STAB1: variants seen among roughly 807,000 people sequenced by gnomAD.
STAB1 encodes stabilin-1.
In STAB1, 250 loss-of-function variants were observed where a neutral mutation model predicts 332.4. The ratio of observed to expected loss-of-function variants is 0.75; its 90% CI spans 0.68 to 0.84. The LOEUF (loss-of-function observed/expected upper bound fraction) is 0.84. Among genes scored for constraint, STAB1 ranks in the 40% least tolerant of loss-of-function variants. The pLI is 0.00. For synonymous variants in STAB1, 1,475 were observed against 1,390.4 expected, an observed-to-expected ratio of 1.06 and a Z score of -1.35; for missense variants, 3,249 against 3,489.7, an observed-to-expected ratio of 0.93 and a Z score of 1.74.
At chr3:52,518,175 C>A in intron 45 of STAB1, 137 bp from the exon 46 acceptor site, 1 of 1,505,076 alleles carries the variant, frequency 6.6e-7, no homozygotes, top group Non-Finnish European at 9.0e-7. Flanking sequence ...TGAAACTAGC[C>A]CTGACCCCAA....
In STAB1 at chr3:52,503,122, T is replaced by A; in HGVS notation, c.694+13T>A. ...AGTGAATGCCGAGGTGAGCCTGGACTCAGAGGCCAGGGACTTCAGCTCAGG... is the reference window on the plus strand; with the variant it reads ...AGTGAATGCCGAGGTGAGCCTGGACACAGAGGCCAGGGACTTCAGCTCAGG... On this transcript the variant is annotated intron_variant, in intron 7 of 68. Coordinates refer to ENST00000321725, the MANE Select transcript of STAB1 (RefSeq NM_015136.3). 1 of 1,569,882 alleles carries A rather than the reference T, an allele frequency of 6.4e-7. No homozygotes were observed. The highest frequency in any genetic ancestry group is 8.6e-7 in the Non-Finnish European group (1 of 1,156,510).
At chr3:52,509,429 G>A (rs1210206968) in intron 22 of STAB1, 108 bp downstream of exon 22, 1 of 890,816 alleles carries the variant, frequency 1.1e-6, no homozygotes, top group Non-Finnish European at 1.7e-6. Flanking sequence ...GAGGGACGAA[G>A]GCCAAGGGGA....
chr3:52,513,643 C>G, intron 30 of STAB1, 74 bp from the exon 31 acceptor site: 4 of 1,486,450 alleles, frequency 2.7e-6, no homozygotes, highest in Non-Finnish European at 3.7e-6. Context: ...CTGGCAGTCT[C>G]TCTGTTGGGG....
At chr3:52,516,476 G>A in intron 39 of STAB1, 25 bp downstream of exon 39, 1 of 1,613,512 alleles carries the variant, frequency 6.2e-7, no homozygotes, top group Non-Finnish European at 8.5e-7. Context: ...ATGGGGAGGG[G>A]GCAGGTGGCT....
Position 52,499,898 on chromosome 3 carries a change from C to CAAAA in STAB1, c.79-1246_79-1243dup, listed in dbSNP as rs4045133. Among the ~76,000 whole-genome samples the CAAAA allele has an allele frequency of 3.0e-3, 112 of 36,870 alleles. 1 individual carries two copies. Among genetic ancestry groups the CAAAA allele is most frequent in the Admixed American group, 5.6e-3 (12 of 2,156 alleles). 24.2% of individuals were successfully genotyped at this position (36,870 alleles called of 152,430 possible). A position where few individuals can be genotyped will look rare whatever the true frequency, so the allele number is the denominator to read the frequency against. The stretch of plus-strand genomic sequence containing the variant: ...TGGGCGACAGAGCGAGACTCCATCT[C>CAAAA]AAAAAAAAAAAAAAAAAAAAAAAAA... On this transcript the variant is annotated intron_variant, in intron 1 of 68. Transcript: ENST00000321725.
chr3:52,515,485 C>T lies in STAB1; in HGVS notation c.3927C>T (p.Tyr1309=). ...TCTCCTTCTCCCGGGGCTGCTCTTACACATGTGCCAAGAAGATCCAGGTTT... is the reference window on the plus strand; with the variant it reads ...TCTCCTTCTCCCGGGGCTGCTCTTATACATGTGCCAAGAAGATCCAGGTTT... ...SGFSFSRGCS[Y]TCAKKIQVPD... The change falls in exon 37 of 69, where the codon TAC becomes TAT. Residue 1309 remains tyrosine, a synonymous_variant. Coordinates refer to ENST00000321725, the MANE Select transcript of STAB1 (RefSeq NM_015136.3). 2 of 1,613,482 alleles carry T rather than the reference C, an allele frequency of 1.2e-6. No homozygotes were observed. Among genetic ancestry groups the T allele is most frequent in the Non-Finnish European group, 1.7e-6 (2 of 1,180,028 alleles).
At position 52,519,248 on chromosome 3, in the gene STAB1, C is replaced by A; in HGVS notation, c.5035-16C>A. ...CCCCACCTATCTGCTTCATCAGCCC[C>A]GTGCCCCGCCCCCAGGGCAGCATAT... On this transcript the variant is annotated splice_polypyrimidine_tract_variant and intron_variant, in intron 48 of 68. Transcript: ENST00000321725. The A allele has an allele frequency of 6.2e-7, 1 of 1,607,728 alleles. No homozygotes were observed.
rs1444297975 is a variant in STAB1 at position 52,524,417 on chromosome 3, G to A, written c.*61G>A. On this transcript the variant is annotated 3_prime_UTR_variant, in exon 69 of 69. Transcript: ENST00000321725. Reference sequence around the variant, plus strand: ...AGGAGACCACTTTTATTGCTTGTCTGGGTGGATGGGGCAGGAGGGGCTGAG... The same window carrying A: ...AGGAGACCACTTTTATTGCTTGTCTAGGTGGATGGGGCAGGAGGGGCTGAG... 3.7e-6 allele frequency: 6 copies of A among 1,612,146 alleles called. No individual in the cohort carries two copies. In the South Asian group the frequency reaches 6.6e-5, roughly 18 times the overall value.
rs1243434240 is a variant in STAB1 at position 52,509,961 on chromosome 3, G to A, written c.2439G>A (p.Arg813=). The A allele has an allele frequency of 6.2e-7, 1 of 1,612,422 alleles. No homozygotes were observed. The highest frequency in any genetic ancestry group is 8.5e-7 in the Non-Finnish European group (1 of 1,179,620). The stretch of plus-strand genomic sequence containing the variant: ...CGTGTGCCCCTGGCTTCAGTGGCCG[G>A]TTCTGCAACGAGTCCATGGGGGACT... ...QGTCAPGFSG[R]FCNESMGDCG... is the part of the protein sequence containing the mutation. Residue 813 remains arginine (R), a synonymous_variant, in exon 23 of 69, where the codon CGG becomes CGA. Coordinates refer to ENST00000321725, the MANE Select transcript of STAB1 (RefSeq NM_015136.3).
intron 1 of STAB1, among the ~76,000 whole-genome samples, chr3:52,500,613 G>A (rs936991748): frequency 3.3e-5 from 5 of 152,254 alleles, no homozygotes; most frequent in Admixed American, 6.5e-5. Context: ...GCTGGAGCCG[G>A]CATCGTGCCT....
rs746593417 is a variant in STAB1 at position 52,507,980 on chromosome 3, A to G, written c.2102A>G (p.Asn701Ser). ...CVYIHDPTGL[N>S]VLKKGCASYC... ...TACATCCATGACCCAACGGGGCTCA[A>G]TGTGCTAAAGAAGGGCTGTGCCAGC... The change falls in exon 20 of 69, where the codon AAT becomes AGT. Residue 701 changes from asparagine to serine, a missense_variant. Transcript: ENST00000321725. 12 of 1,613,548 alleles carry G rather than the reference A, an allele frequency of 7.4e-6. No individual in the cohort carries two copies. Among genetic ancestry groups the G allele is most frequent in the Admixed American group, 3.3e-5 (2 of 59,994 alleles).
intron 35 of STAB1, 27 bp downstream of exon 35, chr3:52,514,856 C>G: frequency 6.2e-7 from 1 of 1,612,798 alleles, no homozygotes; most frequent in Non-Finnish European, 8.5e-7. Flanking sequence ...ACAGGAAGGC[C>G]GGCACGGGAG....
At chr3:52,513,315 C>T (rs1709433795) in intron 30 of STAB1, 74 bp downstream of exon 30, 2 of 1,422,054 alleles carry the variant, frequency 1.4e-6, no homozygotes, top group South Asian at 1.3e-5. Flanking sequence ...TGCAGGCTCT[C>T]CCACATCAGG....
Position 52,495,471 on chromosome 3 carries a change from T to C in STAB1, c.58T>C (p.Phe20Leu), listed in dbSNP as rs1056489373. ...CCTCCTGGCCTTCTGCCTGGCAGGCTTCAGCTTCGTCAGGGGGCAGGTAAG... is the reference window on the plus strand; with the variant it reads ...CCTCCTGGCCTTCTGCCTGGCAGGCCTCAGCTTCGTCAGGGGGCAGGTAAG... The part of the protein sequence containing the change: ...LCLLAFCLAG[F>L]SFVRGQVLFK... Residue 20 changes from phenylalanine (F) to leucine (L), a missense_variant, in exon 1 of 69, where the codon TTC becomes CTC. Coordinates refer to ENST00000321725, the MANE Select transcript of STAB1 (RefSeq NM_015136.3). The C allele has an allele frequency of 7.5e-7, 1 of 1,341,818 alleles. No homozygotes were observed. Among genetic ancestry groups the C allele is most frequent in the South Asian group, 2.5e-5 (1 of 40,218 alleles). The allele number at this position is 1,341,818 out of a possible 1,614,324, so 83.1% of individuals were successfully genotyped here. A position where few individuals can be genotyped will look rare whatever the true frequency, so the allele number is the denominator to read the frequency against.
chr3:52,504,030 G>A lies in STAB1; in HGVS notation c.1025G>A (p.Cys342Tyr), dbSNP rs1708656405. ...ACTGGCTCTCCCTGGGAGCCCAGCT[G>A]TGTGTGCAGGGAAAGCGAGGTGGGG... Reference protein sequence around the residue: ...CQVTADGKTSCVCRESEVGDG... With the variant: ...CQVTADGKTSYVCRESEVGDG... Residue 342 changes from cysteine (C) to tyrosine (Y), a missense_variant and splice_region_variant, in exon 10 of 69, where the codon TGT becomes TAT. By Grantham distance (194) the Cys-to-Tyr change is radical. Coordinates refer to ENST00000321725, the MANE Select transcript of STAB1 (RefSeq NM_015136.3). 1 of 1,603,890 alleles carries A rather than the reference G, an allele frequency of 6.2e-7. No homozygotes were observed. Among genetic ancestry groups the A allele is most frequent in the Non-Finnish European group, 8.5e-7 (1 of 1,175,624 alleles).
intron 37 of STAB1, 57 bp downstream of exon 37, chr3:52,515,563 T>G (rs1207136701): frequency 3.3e-5 from 53 of 1,589,522 alleles, no homozygotes; most frequent in Non-Finnish European, 4.1e-5. Context: ...TGGGAGTGGG[T>G]GGGGGCCCAG....
chr3:52,503,007 G>A lies in STAB1; in HGVS notation c.592G>A (p.Val198Ile), dbSNP rs374484700. 9.9e-5 allele frequency: 157 copies of A among 1,584,010 alleles called. 2 individuals are homozygous for A. In the South Asian group the frequency reaches 1.5e-3, roughly 15 times the overall value. ...CTCTCCACTCTGCGCAGAGCTGCCC[G>A]TCTGCCAGGAGCTGCGCTGTCCCCA... ...TGPHCDQELP[V>I]CQELRCPQNT... Residue 198 changes from valine to isoleucine, a missense_variant, in exon 7 of 69, where the codon GTC (valine) becomes ATC (isoleucine). Val to Ile is a conservative substitution (Grantham distance 29). Coordinates refer to ENST00000321725, the MANE Select transcript of STAB1 (RefSeq NM_015136.3).
Position 52,517,979 on chromosome 3 carries a change from C to T in STAB1, c.4737C>T (p.Leu1579=), listed in dbSNP as rs1192599059. Residue 1579 remains leucine, a synonymous_variant, in exon 45 of 69, where the codon CTC becomes CTT. Coordinates refer to ENST00000321725, the MANE Select transcript of STAB1 (RefSeq NM_015136.3). ...CAGCCCACACCGTGGGGGACGGCCT[C>T]ACCTGCCGTGCCCGAGTCGGCCTGG... ...CDTAHTVGDG[L]TCRARVGLEL... 6.2e-7 allele frequency: 1 copy of T among 1,605,860 alleles called. No homozygotes were observed. Among genetic ancestry groups the T allele is most frequent in the African/African-American group, 1.3e-5 (1 of 74,466 alleles).
chr3:52,511,471 C>G (rs1309853649), intron 25 of STAB1, among the ~76,000 whole-genome samples, 179 bp from the exon 26 acceptor site: 1 of 152,228 alleles, frequency 6.6e-6, no homozygotes, highest in East Asian at 1.9e-4. Context: ...GCCAGTCTCC[C>G]CTTAGGGCCT....
Sources: gnomAD v4.1 joint callset for allele counts (sites outside exome capture counted in the v4.1 genomes callset) on GRCh38, gnomAD v4.1.1 for gene constraint, MANE v1.5 for transcripts, NCBI Gene and HGNC (gene_info 2026-07-23, HGNC 2026-07-21) for gene names.